The following NCAN variants were observed in gnomAD, a reference collection of about 807,000 sequenced individuals.
NCAN encodes the protein neurocan core protein.
Under a neutral mutation model 121.8 loss-of-function variants are expected in NCAN, and 47 were observed. That is an observed-to-expected ratio of 0.39 (90% CI 0.31 to 0.49). The LOEUF (loss-of-function observed/expected upper bound fraction) is 0.49. Ranked by LOEUF, NCAN falls within the 20% of genes least tolerant of loss-of-function variation. NCAN has a pLI of 0.92. For synonymous variants in NCAN, 633 were observed against 702.0 expected (o/e 0.90, Z 1.55); for missense variants, 1,517 against 1,773.4 (o/e 0.86, Z 2.60).
intron 14 of NCAN, 108 bp from the exon 15 acceptor site, chr19:19,249,658 C>T (rs992463378): frequency 8.8e-6 from 13 of 1,477,456 alleles, no homozygotes; most frequent in Admixed American, 4.5e-5. Flanking sequence ...TGAGCCCTCG[C>T]GTCTGGCCTC....
intron 11 of NCAN, 94 bp downstream of exon 11, chr19:19,238,505 T>C: frequency 6.9e-7 from 1 of 1,452,496 alleles, no homozygotes; most frequent in Non-Finnish European, 9.6e-7. Context: ...CTCCCCTGGT[T>C]TTCAAGACGT....
chr19:19,245,513 T>G, intron 13 of NCAN, 56 bp downstream of exon 13: 1 of 1,583,080 alleles, frequency 6.3e-7, no homozygotes, highest in Non-Finnish European at 8.6e-7. Flanking sequence ...ACTGGTTCTC[T>G]GTTGCCCAGG....
chr19:19,213,331 T>A (rs1419845895), intron 1 of NCAN, among the ~76,000 whole-genome samples: 1 of 151,706 alleles, frequency 6.6e-6, no homozygotes, highest in African/African-American at 2.4e-5. Flanking sequence ...GTGACTGTGG[T>A]TGTGTCTTTG....
intron 10 of NCAN, among the ~76,000 whole-genome samples, chr19:19,237,081 AT>A (rs113420782): frequency 0.082 from 11,640 of 142,214 alleles, 708 homozygotes; most frequent in African/African-American, 0.18. Context: ...ACGTGACTCA[AT>A]TTTTTTTTTT....
intron 1 of NCAN, among the ~76,000 whole-genome samples, chr19:19,216,346 C>T (rs908620989): frequency 2.6e-5 from 4 of 151,782 alleles, no homozygotes; most frequent in African/African-American, 9.7e-5. Flanking sequence ...GAGTCTCACC[C>T]TGTCGCCCAG....
chr19:19,214,727 GGTGT>G (rs56279536), intron 1 of NCAN, among the ~76,000 whole-genome samples: 10,009 of 140,714 alleles, frequency 0.071, 561 homozygotes, highest in African/African-American at 0.16. Context: ...CTGTTAACGG[GGTGT>G]GTGTGTGTGT....
At position 19,245,416 on chromosome 19, in the gene NCAN, C is replaced by T. The variant is rs1318622089; in HGVS notation, c.3596C>T (p.Pro1199Leu). ...GAAAGCGGGCGCTGGAACGATGTCC[C>T]CTGCAACTACAACCTACCCTATGTC... ...AHESGRWNDV[P>L]CNYNLPYVCK... The change falls in exon 13 of 15, where the codon CCC (proline) becomes CTC (leucine). Residue 1199 changes from proline to leucine, a missense_variant. Pro to Leu is a moderately conservative substitution (Grantham distance 98, BLOSUM62 -3). Coordinates refer to ENST00000252575, the MANE Select transcript of NCAN (RefSeq NM_004386.3). The T allele has an allele frequency of 6.2e-7, 1 of 1,614,092 alleles. No individual in the cohort carries two copies.
chr19:19,225,222 A>T lies in NCAN; in HGVS notation c.1024A>T (p.Thr342Ser), dbSNP rs1239846542. The T allele has an allele frequency of 6.4e-7, 1 of 1,573,418 alleles. No individual in the cohort carries two copies. Among genetic ancestry groups the T allele is most frequent in the Non-Finnish European group, 8.5e-7 (1 of 1,170,318 alleles). Reference protein sequence around the residue: ...VRTVYRFANRTGFPSPAERFD... With the variant: ...VRTVYRFANRSGFPSPAERFD... ...CACCGTCTACCGCTTCGCTAACCGG[A>T]CCGGCTTCCCCTCACCCGCCGAGCG... is the stretch of plus-strand genomic sequence containing the variant. Residue 342 changes from threonine (T) to serine (S), a missense_variant, in exon 6 of 15, where the codon ACC (threonine) becomes TCC (serine). By Grantham distance (58) the Thr-to-Ser change is moderately conservative. Coordinates refer to ENST00000252575, the MANE Select transcript of NCAN (RefSeq NM_004386.3). This position sits in a 1 kb window ranked among gnomAD's most constrained non-coding sequence, Gnocchi z 4.0.
In NCAN at chr19:19,228,589, G is replaced by A. The variant is rs1400762528; in HGVS notation, c.2969G>A (p.Gly990Glu). ...AGCTTCTGGGAGGAGGTGGCAAGTG[G>A]AGAGGAGCCAGCCCTGCCAGGGACC... ...VESFWEEVASGEEPALPGTPM... is the reference protein window; with the variant it reads ...VESFWEEVASEEEPALPGTPM... The change falls in exon 8 of 15, where the codon GGA becomes GAA. Residue 990 changes from glycine to glutamate, a missense_variant. Physicochemically the swap from Gly to Glu is moderately conservative, Grantham distance 98. Coordinates refer to ENST00000252575, the MANE Select transcript of NCAN (RefSeq NM_004386.3). 6.2e-7 allele frequency: 1 copy of A among 1,612,836 alleles called. No individual in the cohort carries two copies. Among genetic ancestry groups the A allele is most frequent in the Admixed American group, 1.7e-5 (1 of 60,020 alleles).
At chr19:19,240,776 A>G (rs1599821783) in intron 12 of NCAN, 91 bp downstream of exon 12, 4 of 1,308,724 alleles carry the variant, frequency 3.1e-6, no homozygotes, top group Non-Finnish European at 3.3e-6. Context: ...AGTTATCGCA[A>G]TTGGGTGTCA....
chr19:19,234,330 AT>A (rs1195979766), intron 9 of NCAN, among the ~76,000 whole-genome samples: 9 of 152,182 alleles, frequency 5.9e-5, no homozygotes, highest in Admixed American at 1.3e-4. Flanking sequence ...AAATGACATA[AT>A]TTTTTGAGCT....
chr19:19,249,852 A>C lies in NCAN; in HGVS notation c.3907A>C (p.Arg1303=), dbSNP rs752422845. 2.5e-6 allele frequency: 4 copies of C among 1,614,132 alleles called. No individual in the cohort carries two copies. Among genetic ancestry groups the C allele is most frequent in the Non-Finnish European group, 3.4e-6 (4 of 1,180,008 alleles). Residue 1303 remains arginine (R), a synonymous_variant, in exon 15 of 15, where the codon AGA becomes CGA. Coordinates refer to ENST00000252575, the MANE Select transcript of NCAN (RefSeq NM_004386.3). ...CCACCACAAATCCCGCAAGGAGCGCAGAAAACACAAGAAACACCCAACGGA... is the reference window on the plus strand; with the variant it reads ...CCACCACAAATCCCGCAAGGAGCGCCGAAAACACAAGAAACACCCAACGGA... ...HHHHKSRKER[R]KHKKHPTEDW...
chr19:19,236,032 G>A (rs556766107), intron 10 of NCAN, among the ~76,000 whole-genome samples: 12 of 152,272 alleles, frequency 7.9e-5, no homozygotes, highest in Admixed American at 5.2e-4. Context: ...CAGCCACTGA[G>A]CCCAGCCAAA....
At chr19:19,223,568 G>A (rs908334826) in intron 3 of NCAN, among the ~76,000 whole-genome samples, 1 of 152,084 alleles carries the variant, frequency 6.6e-6, no homozygotes, top group African/African-American at 2.4e-5. Flanking sequence ...TGCCTCCTGG[G>A]TTCAAGCGAT....
rs112237274 is a variant in NCAN, at chr19:19,219,341, C to T, written c.475+25C>T. The T allele has an allele frequency of 4.2e-4, 615 of 1,447,950 alleles. 2 individuals carry two copies. In the African/African-American group the frequency reaches 7.2e-3, roughly 17 times the overall value. 89.7% of individuals were successfully genotyped at this position (1,447,950 alleles called of 1,614,324 possible). ...GGTCAGTTGGGGGCAAAGGAGGGGCCGGGGGCCGGGGAGAGGGAGGGCTGA... is the reference window on the plus strand; with the variant it reads ...GGTCAGTTGGGGGCAAAGGAGGGGCTGGGGGCCGGGGAGAGGGAGGGCTGA... On this transcript the variant is annotated intron_variant, in intron 3 of 14. Coordinates refer to ENST00000252575, the MANE Select transcript of NCAN (RefSeq NM_004386.3).
Position 19,238,376 on chromosome 19 carries a change from G to A in NCAN, c.3374G>A (p.Ser1125Asn). The part of the protein sequence containing the change: ...DCRRRSGHLT[S>N]VHSPEEHSFI... ...CGCCGCCGCTCCGGCCACCTGACCAGCGTCCACTCACCGGAGGAACACAGC... is the reference window on the plus strand; with the variant it reads ...CGCCGCCGCTCCGGCCACCTGACCAACGTCCACTCACCGGAGGAACACAGC... Residue 1125 changes from serine to asparagine, a missense_variant, in exon 11 of 15, where the codon AGC (serine) becomes AAC (asparagine). Ser to Asn is a conservative substitution (Grantham distance 46). Coordinates refer to ENST00000252575, the MANE Select transcript of NCAN (RefSeq NM_004386.3). 1.2e-6 allele frequency: 2 copies of A among 1,614,216 alleles called. No homozygotes were observed. The highest frequency in any genetic ancestry group is 1.7e-6 in the Non-Finnish European group (2 of 1,180,046).
intron 11 of NCAN, 96 bp downstream of exon 11, chr19:19,238,507 T>G: frequency 5.5e-6 from 8 of 1,442,684 alleles, no homozygotes; most frequent in South Asian, 1.2e-5. Flanking sequence ...CCCCTGGTTT[T>G]CAAGACGTCA....
intron 3 of NCAN, among the ~76,000 whole-genome samples, chr19:19,219,749 A>G (rs2060809628): frequency 6.6e-6 from 1 of 150,434 alleles, no homozygotes; most frequent in South Asian, 2.1e-4. Context: ...ATAAAGTCCT[A>G]AAGTCTTTAT....
Position 19,240,617 on chromosome 19 carries a change from A to T in NCAN, c.3424A>T (p.Asn1142Tyr). The T allele has an allele frequency of 1.2e-6, 2 of 1,614,068 alleles. No homozygotes were observed. Among genetic ancestry groups the T allele is most frequent in the Non-Finnish European group, 1.7e-6 (2 of 1,180,022 alleles). ...CGACCCTGCAGGCTTTGGGCATGAA[A>T]ACACGTGGATCGGCCTGAACGACAG... ...HSFINSFGHENTWIGLNDRIV... is the reference protein window; with the variant it reads ...HSFINSFGHEYTWIGLNDRIV... The change falls in exon 12 of 15, where the codon AAC becomes TAC. Residue 1142 changes from asparagine to tyrosine, a missense_variant. By Grantham distance (143) the Asn-to-Tyr change is moderately radical (BLOSUM62 -2). Coordinates refer to ENST00000252575, the MANE Select transcript of NCAN (RefSeq NM_004386.3).
Sources: gnomAD v4.1 joint callset for allele counts (sites outside exome capture counted in the v4.1 genomes callset) on GRCh38, gnomAD v4.1.1 for gene constraint, Gnocchi (gnomAD v3.1) non-coding constraint, MANE v1.5 for transcripts, NCBI Gene and HGNC (gene_info 2026-07-23, HGNC 2026-07-21) for gene names.